Variants in RFTN2 observed in about 807,000 individuals in gnomAD.
RFTN2 encodes raftlin family member 2.
Under a neutral mutation model 52.7 loss-of-function variants are expected in RFTN2, and 34 were observed. The observed-to-expected ratio is 0.64, with a 90% CI of 0.49 to 0.86. RFTN2 has a LOEUF of 0.86. Among genes scored for constraint, RFTN2 ranks in the 40% least tolerant of loss-of-function variants. RFTN2 has a pLI of 0.00. For missense variants in RFTN2, 536 were observed against 600.1 expected, an observed-to-expected ratio of 0.89 and a Z score of 1.12; for synonymous variants, 203 against 217.7, an observed-to-expected ratio of 0.93 and a Z score of 0.59.
chr2:197,590,495 A>G (rs1392300317), intron 8 of RFTN2, among the ~76,000 whole-genome samples: 1 of 152,148 alleles, frequency 6.6e-6, no homozygotes, highest in East Asian at 1.9e-4. Flanking sequence ...TGCAATCCTC[A>G]ATTTCCTCCC....
chr2:197,652,555 T>C (rs1262954554), intron 1 of RFTN2, among the ~76,000 whole-genome samples: 1 of 152,222 alleles, frequency 6.6e-6, no homozygotes, highest in Non-Finnish European at 1.5e-5. Flanking sequence ...GAAATACTTA[T>C]GTTTAAAATG....
chr2:197,648,314 A>G (rs1175537058), intron 1 of RFTN2, among the ~76,000 whole-genome samples: 1 of 152,228 alleles, frequency 6.6e-6, no homozygotes, highest in Non-Finnish European at 1.5e-5. Context: ...CACTTCCTCC[A>G]ATTTTCACCC....
At chr2:197,619,371 G>A (rs11884374) in intron 5 of RFTN2, among the ~76,000 whole-genome samples, 2 of 152,012 alleles carry the variant, frequency 1.3e-5, no homozygotes, top group Admixed American at 1.3e-4. Context: ...GGTAGACATG[G>A]GAGACTTTTC....
chr2:197,590,250 A>C (rs2087681422), intron 8 of RFTN2, among the ~76,000 whole-genome samples: 1 of 152,010 alleles, frequency 6.6e-6, no homozygotes, highest in African/African-American at 2.4e-5. Context: ...ATTTTCTCCT[A>C]TGTTTTTTCC....
chr2:197,609,653 T>C (rs978269586), intron 7 of RFTN2, among the ~76,000 whole-genome samples: 3 of 151,936 alleles, frequency 2.0e-5, no homozygotes, highest in Non-Finnish European at 2.9e-5. Flanking sequence ...CCCGTTTGTC[T>C]ATTTTGGCTT....
intron 3 of RFTN2, among the ~76,000 whole-genome samples, chr2:197,634,582 C>T (rs2088528588): frequency 6.6e-6 from 1 of 151,814 alleles, no homozygotes; most frequent in African/African-American, 2.4e-5. Flanking sequence ...CCTATGTGGG[C>T]CAAACACATA....
chr2:197,626,909 T>C (rs978925373), intron 5 of RFTN2, among the ~76,000 whole-genome samples: 2 of 152,122 alleles, frequency 1.3e-5, no homozygotes, highest in African/African-American at 4.8e-5. Context: ...TGAGCCACCA[T>C]GCCCAGCCAT....
At chr2:197,661,417 A>G (rs1195978875) in intron 1 of RFTN2, among the ~76,000 whole-genome samples, 1 of 151,614 alleles carries the variant, frequency 6.6e-6, no homozygotes, top group African/African-American at 2.4e-5. Context: ...ATATATATAC[A>G]TATATATTTT....
At chr2:197,607,451 G>A (rs1485950854) in intron 7 of RFTN2, among the ~76,000 whole-genome samples, 2 of 149,714 alleles carry the variant, frequency 1.3e-5, no homozygotes, top group East Asian at 3.9e-4. Context: ...TGCACATTGT[G>A]CACATGTGCC....
chr2:197,580,294 C>T (rs2087485206), intron 8 of RFTN2, among the ~76,000 whole-genome samples: 1 of 152,198 alleles, frequency 6.6e-6, no homozygotes. Flanking sequence ...GTGAGAGAAA[C>T]CCCAGCCACA....
chr2:197,648,732 G>A (rs571804052), intron 1 of RFTN2, among the ~76,000 whole-genome samples: 5 of 152,132 alleles, frequency 3.3e-5, no homozygotes, highest in Non-Finnish European at 7.4e-5. Flanking sequence ...CAGCCTCCAC[G>A]CGTGTTAGTC....
chr2:197,630,368 C>T (rs986809136), intron 5 of RFTN2, among the ~76,000 whole-genome samples: 19 of 152,068 alleles, frequency 1.2e-4, no homozygotes, highest in Admixed American at 1.2e-3. Context: ...TACTACCTTT[C>T]CTTTTTCTTT....
chr2:197,602,846 G>A lies in RFTN2; in HGVS notation c.1155-6777C>T, dbSNP rs539756488. On this transcript the variant is annotated intron_variant, in intron 7 of 8. Transcript: ENST00000295049. ...CCCAAATGTCCAAAAATGATAGACT[G>A]GATTAAGAAAATGTGGCACATATAT... Among the ~76,000 whole-genome samples the A allele has an allele frequency of 5.9e-5, 9 of 152,260 alleles. No homozygotes were observed. The East Asian group carries it at 1.3e-3, about 23-fold the overall frequency.
intron 5 of RFTN2, among the ~76,000 whole-genome samples, chr2:197,618,344 T>TC (rs1357748814): frequency 6.6e-6 from 1 of 152,144 alleles, no homozygotes; most frequent in East Asian, 1.9e-4. Context: ...AGCCTCGGCC[T>TC]CCCGAGGTGC....
chr2:197,616,693 G>C (rs1259545606), intron 6 of RFTN2, among the ~76,000 whole-genome samples: 1 of 152,206 alleles, frequency 6.6e-6, no homozygotes, highest in Non-Finnish European at 1.5e-5. Context: ...GTGAGGACAA[G>C]AGTGGAGAGT....
At chr2:197,586,874 G>A (rs1435106118) in intron 8 of RFTN2, among the ~76,000 whole-genome samples, 1 of 152,096 alleles carries the variant, frequency 6.6e-6, no homozygotes, top group Non-Finnish European at 1.5e-5. Context: ...TTTTAAAGAA[G>A]AGTGTTGTTT....
chr2:197,593,884 C>CAA (rs534731223), intron 8 of RFTN2, among the ~76,000 whole-genome samples: 4 of 60,854 alleles, frequency 6.6e-5, no homozygotes, highest in South Asian at 5.4e-4. Context: ...GACTCCATCT[C>CAA]AAAAAAAAAA....
rs188066671 is a variant in RFTN2, at chr2:197,626,767, C to G, written c.928+4244G>C. 1.2e-4 allele frequency among the ~76,000 whole-genome samples: 18 copies of G among 151,384 alleles called. No individual in the cohort carries two copies. The East Asian group carries it at 3.3e-3, about 28-fold the overall frequency. On this transcript the variant is annotated intron_variant, in intron 5 of 8. Coordinates refer to ENST00000295049, the MANE Select transcript of RFTN2 (RefSeq NM_144629.3). ...CTGAGTAGCTGGGACTATAGGCGCC[C>G]GCCACCACATCCAGCACATTTTTTG...
At chr2:197,669,877 C>T (rs1272937236) in intron 1 of RFTN2, among the ~76,000 whole-genome samples, 1 of 152,196 alleles carries the variant, frequency 6.6e-6, no homozygotes, top group African/African-American at 2.4e-5. Context: ...TTTCCCATCA[C>T]AATGCTCCTG....
Sources: allele counts gnomAD v4.1 joint callset (sites outside exome capture counted in the v4.1 genomes callset), GRCh38; gene constraint gnomAD v4.1.1; transcripts MANE v1.5; gene names NCBI Gene and HGNC (gene_info 2026-07-23, HGNC 2026-07-21).